The following TMEM82 variants were observed in gnomAD, a reference collection of about 807,000 sequenced individuals.
TMEM82 encodes transmembrane protein 82.
Under a neutral mutation model 29.2 loss-of-function variants are expected in TMEM82, and 30 were observed. The ratio of observed to expected loss-of-function variants is 1.03; its 90% CI spans 0.77 to 1.39. TMEM82 has a LOEUF of 1.39. Ranked by LOEUF, TMEM82 falls within the 40% of genes most tolerant of loss-of-function variation. The pLI, the probability that TMEM82 is intolerant of heterozygous loss-of-function variation, is 0.00. For synonymous variants in TMEM82, 221 were observed against 225.4 expected, an observed-to-expected ratio of 0.98 and a Z score of 0.18; for missense variants, 442 against 447.7, an observed-to-expected ratio of 0.99 and a Z score of 0.12.
Position 15,747,176 on chromosome 1 carries a change from C to A in TMEM82, c.945+122C>A, listed in dbSNP as rs1450785071. On this transcript the variant is annotated intron_variant, in intron 5 of 5. Transcript: ENST00000375782. ...GCACGGTCTCTCACACCTGTAATCC[C>A]AAATACTCAGGAGGCTGAGACCTGA... 5.7e-6 allele frequency: 6 copies of A among 1,057,578 alleles called. No homozygotes were observed. The South Asian group carries it at 6.3e-5, about 11-fold the overall frequency. The allele number at this position is 1,057,578 out of a possible 1,614,324, so 65.5% of individuals were successfully genotyped here.
chr1:15,746,178 A>G (rs1167774137), intron 4 of TMEM82, among the ~76,000 whole-genome samples: 7 of 151,864 alleles, frequency 4.6e-5, no homozygotes, highest in South Asian at 2.1e-4. Context: ...CTCTGTCTCA[A>G]AAAACAAACA....
chr1:15,743,149 C>T lies in TMEM82; in HGVS notation c.291C>T (p.Leu97=), dbSNP rs11584945. The T allele has an allele frequency of 0.26, 415,402 of 1,610,738 alleles. 55,885 individuals are homozygous for T. Among genetic ancestry groups the T allele is most frequent in the Middle Eastern group, 0.33 (1,993 of 6,058 alleles). Residue 97 remains leucine (L), a synonymous_variant, in exon 3 of 6, where the codon CTC becomes CTT. Coordinates refer to ENST00000375782, the MANE Select transcript of TMEM82 (RefSeq NM_001013641.3). Reference sequence around the variant, plus strand: ...CCCGGGTGGCTGCCCTCGTGGTGCTCGAGTTCTCCCTCCGGGCCGTGTCCA... The same window carrying T: ...CCCGGGTGGCTGCCCTCGTGGTGCTTGAGTTCTCCCTCCGGGCCGTGTCCA... ...VGSRVAALVV[L]EFSLRAVSTL...
At position 15,742,550 on chromosome 1, in the gene TMEM82, C is replaced by A; in HGVS notation, c.-10C>A. On this transcript the variant is annotated 5_prime_UTR_variant, in exon 1 of 6. Coordinates refer to ENST00000375782, the MANE Select transcript of TMEM82 (RefSeq NM_001013641.3). The stretch of plus-strand genomic sequence containing the variant: ...CCTGGCCGGAGGCTGGGGCTCCTTC[C>A]GGGGCTGCCATGTTCTCTCTTCCAT... 1 of 1,571,260 alleles carries A rather than the reference C, an allele frequency of 6.4e-7. No homozygotes were observed.
chr1:15,746,844 T>A, intron 4 of TMEM82, 23 bp from the exon 5 acceptor site: 1 of 1,542,080 alleles, frequency 6.5e-7, no homozygotes, highest in Admixed American at 1.9e-5. Context: ...GGTCGGACGG[T>A]GACAGGCACC....
chr1:15,744,463 G>A lies in TMEM82; in HGVS notation c.640G>A (p.Val214Met), dbSNP rs375882436. ...LGRALAIAFA[V>M]GDLAAVALIN... ...CCGTGCCCTGGCCATAGCCTTTGCC[G>A]TGGGTGACCTGGCAGCTGTGGCCCT... The change falls in exon 4 of 6, where the codon GTG (valine) becomes ATG (methionine). Residue 214 changes from valine (V) to methionine (M), a missense_variant. Coordinates refer to ENST00000375782, the MANE Select transcript of TMEM82 (RefSeq NM_001013641.3). This position sits in a 1 kb window ranked among gnomAD's most constrained non-coding sequence, Gnocchi z 5.2. The A allele has an allele frequency of 5.8e-5, 94 of 1,608,728 alleles. No individual in the cohort carries two copies. The highest frequency in any genetic ancestry group is 1.1e-4 in the African/African-American group (8 of 74,902).
chr1:15,746,312 C>T (rs185470892), intron 4 of TMEM82, among the ~76,000 whole-genome samples: 10 of 151,238 alleles, frequency 6.6e-5, no homozygotes, highest in South Asian at 2.1e-4. Context: ...AGTGAAACCC[C>T]GTCTCTACTA....
Position 15,746,937 on chromosome 1 carries a change from C to T in TMEM82, c.828C>T (p.Phe276=), listed in dbSNP as rs144951649. The change falls in exon 5 of 6, where the codon TTC becomes TTT. Residue 276 remains phenylalanine (F), a synonymous_variant. Transcript: ENST00000375782. ...TGCTGGTGCGCATGGGCGGCCTCTT[C>T]GTGCTGCTGCTGACTGTGGGTCGCT... The part of the protein sequence containing the change: ...QTVLVRMGGL[F]VLLLTVGRWL... The T allele has an allele frequency of 1.9e-5, 30 of 1,609,960 alleles. No homozygotes were observed. The highest frequency in any genetic ancestry group is 1.6e-4 in the Middle Eastern group (1 of 6,082).
In TMEM82 at chr1:15,742,554, G is replaced by T. The variant is rs1405169088; in HGVS notation, c.-6G>T. The T allele has an allele frequency of 6.3e-7, 1 of 1,575,088 alleles. No homozygotes were observed. The highest frequency in any genetic ancestry group is 8.6e-7 in the Non-Finnish European group (1 of 1,163,266). ...GCCGGAGGCTGGGGCTCCTTCCGGG[G>T]CTGCCATGTTCTCTCTTCCATCCCT... On this transcript the variant is annotated 5_prime_UTR_variant, in exon 1 of 6. Coordinates refer to ENST00000375782, the MANE Select transcript of TMEM82 (RefSeq NM_001013641.3).
Position 15,746,986 on chromosome 1 carries a change from GT to G in TMEM82, c.878del (p.Val293AlafsTer120). 1 of 1,612,322 alleles carries G rather than the reference GT, an allele frequency of 6.2e-7. No individual in the cohort carries two copies. Among genetic ancestry groups the G allele is most frequent in the South Asian group, 1.1e-5 (1 of 91,068 alleles). On this transcript the variant is annotated frameshift_variant, in exon 5 of 6. Transcript: ENST00000375782. LOFTEE classifies it high-confidence loss of function. Reference protein sequence around the residue: ...GRWLDLLGILVSLLGELWCLV... With the variant: ...GRWLDLLGILXSLLGELWCLV... ...CTGGCTGGACCTGCTGGGCATCCTT[GT>G]CTCCCTACTGGGCGAGCTCTGGTGT...
chr1:15,742,901 G>C lies in TMEM82; in HGVS notation c.155G>C (p.Cys52Ser). ...SLLKVYFFVG[C>S]ANDPQRRPEK... is the part of the protein sequence containing the mutation. ...CTGAAAGTTTACTTCTTCGTGGGCT[G>C]TGCCAAGTGAGTGCCCACCTCATCC... is the stretch of plus-strand genomic sequence containing the variant. Residue 52 changes from cysteine (C) to serine (S), a missense_variant, in exon 2 of 6, where the codon TGT becomes TCT. Coordinates refer to ENST00000375782, the MANE Select transcript of TMEM82 (RefSeq NM_001013641.3). The C allele has an allele frequency of 6.2e-7, 1 of 1,612,856 alleles. No individual in the cohort carries two copies. The highest frequency in any genetic ancestry group is 8.5e-7 in the Non-Finnish European group (1 of 1,179,964).
chr1:15,747,731 GGCCTCCT>G lies in TMEM82; in HGVS notation c.*103_*109del. On this transcript the variant is annotated 3_prime_UTR_variant, in exon 6 of 6. Coordinates refer to ENST00000375782, the MANE Select transcript of TMEM82 (RefSeq NM_001013641.3). Reference sequence around the variant, plus strand: ...TGCCTGGAGGCAGAGTGGCAGAGCTGGCCTCCTGCCCAGAGCTCAGCACAGGCCCTGG... The same window carrying G: ...TGCCTGGAGGCAGAGTGGCAGAGCTGGCCCAGAGCTCAGCACAGGCCCTGG... 1 of 1,116,634 alleles carries G rather than the reference GGCCTCCT, an allele frequency of 9.0e-7. No individual in the cohort carries two copies. Among genetic ancestry groups the G allele is most frequent in the South Asian group, 1.4e-5 (1 of 69,844 alleles). 69.2% of individuals were successfully genotyped at this position (1,116,634 alleles called of 1,614,324 possible). A position where few individuals can be genotyped will look rare whatever the true frequency, so the allele number is the denominator to read the frequency against.
In TMEM82 at chr1:15,744,193, T is replaced by C; in HGVS notation, c.370T>C (p.Tyr124His). The C allele has an allele frequency of 1.3e-6, 2 of 1,586,930 alleles. No homozygotes were observed. The highest frequency in any genetic ancestry group is 1.7e-6 in the Non-Finnish European group (2 of 1,171,270). The change falls in exon 4 of 6, where the codon TAC (tyrosine) becomes CAC (histidine). Residue 124 changes from tyrosine to histidine, a missense_variant. Tyr to His is a moderately conservative substitution (Grantham distance 83, BLOSUM62 2). Coordinates refer to ENST00000375782, the MANE Select transcript of TMEM82 (RefSeq NM_001013641.3). This position sits in a 1 kb window ranked among gnomAD's most constrained non-coding sequence, Gnocchi z 5.2. ...SQGAAERLQL[Y>H]LLCQYSLGCG... ...GGGTGCCGCCGAGAGGCTGCAGCTC[T>C]ACCTGCTGTGCCAGTACTCGCTGGG... is the stretch of plus-strand genomic sequence containing the variant.
Position 15,744,155 on chromosome 1 carries a change from C to T in TMEM82, c.337-5C>T, listed in dbSNP as rs112373332. On this transcript the variant is annotated splice_region_variant and splice_polypyrimidine_tract_variant and intron_variant, in intron 3 of 5. Coordinates refer to ENST00000375782, the MANE Select transcript of TMEM82 (RefSeq NM_001013641.3). This position sits in a 1 kb window ranked among gnomAD's most constrained non-coding sequence, Gnocchi z 5.2. ...ATCTCGGCCCCTCTTCGGCACTCCCCGCAGGGCTCCCAGGGTGCCGCCGAG... is the reference window on the plus strand; with the variant it reads ...ATCTCGGCCCCTCTTCGGCACTCCCTGCAGGGCTCCCAGGGTGCCGCCGAG... 6.2e-4 allele frequency: 953 copies of T among 1,534,704 alleles called. No homozygotes were observed. The highest frequency in any genetic ancestry group is 7.8e-4 in the Non-Finnish European group (894 of 1,143,654).
intron 4 of TMEM82, among the ~76,000 whole-genome samples, chr1:15,745,497 C>T (rs550245607): frequency 2.5e-4 from 37 of 147,304 alleles, no homozygotes; most frequent in African/African-American, 8.6e-4. Flanking sequence ...CCAGCCTGGG[C>T]GACAGAGAGA....
In TMEM82 at chr1:15,747,530, C is replaced by A; in HGVS notation, c.946-16C>A. ...ATGGGTGAATGGGTGGTGTCATTCT[C>A]AACGCTTTTCCTCAGGATTTTCCAT... is the stretch of plus-strand genomic sequence containing the variant. On this transcript the variant is annotated splice_polypyrimidine_tract_variant and intron_variant, in intron 5 of 5. Transcript: ENST00000375782. The A allele has an allele frequency of 6.2e-7, 1 of 1,612,158 alleles. No individual in the cohort carries two copies. The highest frequency in any genetic ancestry group is 8.5e-7 in the Non-Finnish European group (1 of 1,178,282).
rs2068321709 is a variant in TMEM82, at chr1:15,744,669, A to C, written c.757+89A>C. The C allele has an allele frequency of 1.3e-5, 19 of 1,423,562 alleles. No individual in the cohort carries two copies. Among genetic ancestry groups the C allele is most frequent in the Non-Finnish European group, 1.7e-5 (18 of 1,067,518 alleles). 88.2% of individuals were successfully genotyped at this position (1,423,562 alleles called of 1,614,324 possible). On this transcript the variant is annotated intron_variant, in intron 4 of 5. Coordinates refer to ENST00000375782, the MANE Select transcript of TMEM82 (RefSeq NM_001013641.3). The surrounding 1 kb of genome is among the most constrained non-coding windows in gnomAD (Gnocchi z 5.2). ...GGGAGGCCGAGAGCCATCAGCCCTC[A>C]CTCTTGCCATCCCAGAGAGCCTGGT... is the stretch of plus-strand genomic sequence containing the variant.
At position 15,747,124 on chromosome 1, in the gene TMEM82, G is replaced by C. The variant is rs2068342624; in HGVS notation, c.945+70G>C. 11 of 1,525,530 alleles carry C rather than the reference G, an allele frequency of 7.2e-6. No homozygotes were observed. The South Asian group carries it at 1.3e-4, about 18-fold the overall frequency. 94.5% of individuals were successfully genotyped at this position (1,525,530 alleles called of 1,614,324 possible). A position where few individuals can be genotyped will look rare whatever the true frequency, so the allele number is the denominator to read the frequency against. On this transcript the variant is annotated intron_variant, in intron 5 of 5. Transcript: ENST00000375782. Reference sequence around the variant, plus strand: ...TTCAAACAGCCCAGGAGCCTCAAGAGGCTCAAGTTTAAGAAGAGCCAGCTG... The same window carrying C: ...TTCAAACAGCCCAGGAGCCTCAAGACGCTCAAGTTTAAGAAGAGCCAGCTG...
At position 15,744,155 on chromosome 1, in the gene TMEM82, C is replaced by G. The variant is rs112373332; in HGVS notation, c.337-5C>G. 7.8e-6 allele frequency: 12 copies of G among 1,534,588 alleles called. No individual in the cohort carries two copies. Among genetic ancestry groups the G allele is most frequent in the Admixed American group, 1.9e-5 (1 of 53,598 alleles). On this transcript the variant is annotated splice_region_variant and splice_polypyrimidine_tract_variant and intron_variant, in intron 3 of 5. Transcript: ENST00000375782. The surrounding 1 kb of genome is among the most constrained non-coding windows in gnomAD (Gnocchi z 5.2). ...ATCTCGGCCCCTCTTCGGCACTCCCCGCAGGGCTCCCAGGGTGCCGCCGAG... is the reference window on the plus strand; with the variant it reads ...ATCTCGGCCCCTCTTCGGCACTCCCGGCAGGGCTCCCAGGGTGCCGCCGAG...
At position 15,747,773 on chromosome 1, in the gene TMEM82, G is replaced by A. The variant is rs1366544839; in HGVS notation, c.*141G>A. The A allele has an allele frequency of 4.3e-6, 3 of 694,790 alleles. No homozygotes were observed. The highest frequency in any genetic ancestry group is 6.6e-5 in the Admixed American group (2 of 30,110). The allele number at this position is 694,790 out of a possible 1,614,324, so 43.0% of individuals were successfully genotyped here. Reference sequence around the variant, plus strand: ...TCAGCACAGGCCCTGGGAGCCCCGAGAAGGGAAGGCAGGATTTGGGGATGG... The same window carrying A: ...TCAGCACAGGCCCTGGGAGCCCCGAAAAGGGAAGGCAGGATTTGGGGATGG... On this transcript the variant is annotated 3_prime_UTR_variant, in exon 6 of 6. Coordinates refer to ENST00000375782, the MANE Select transcript of TMEM82 (RefSeq NM_001013641.3).
Sources: allele counts gnomAD v4.1 joint callset (sites outside exome capture counted in the v4.1 genomes callset), GRCh38; gene constraint gnomAD v4.1.1; non-coding constraint Gnocchi (gnomAD v3.1); transcripts MANE v1.5; gene names NCBI Gene and HGNC (gene_info 2026-07-23, HGNC 2026-07-21).